PADI2: variants seen among roughly 807,000 people sequenced by gnomAD.
PADI2 encodes the protein protein-arginine deiminase type-2.
In PADI2, 70 loss-of-function variants were observed where a neutral mutation model predicts 81.1. That is an observed-to-expected ratio of 0.86 (90% CI 0.71 to 1.05). PADI2 has a LOEUF of 1.05. PADI2 is among the 50% of genes least tolerant of loss of function. The probability of loss-of-function intolerance (pLI) is 0.00; values close to 1 mark genes in which losing one functional copy is unlikely to be tolerated. For missense variants in PADI2, 853 were observed against 889.9 expected (o/e 0.96, Z 0.53); for synonymous variants, 338 against 358.0 (o/e 0.94, Z 0.63).
chr1:17,114,224 G>T (rs1241055355), intron 1 of PADI2, among the ~76,000 whole-genome samples: 1 of 152,246 alleles, frequency 6.6e-6, no homozygotes, highest in Non-Finnish European at 1.5e-5. Context: ...GAGGCTGGGG[G>T]TGGGGAGCTC....
chr1:17,076,993 C>A (rs35479817), intron 11 of PADI2, among the ~76,000 whole-genome samples: 90,731 of 151,780 alleles, frequency 0.6, 27,525 homozygotes, highest in Middle Eastern at 0.7. Context: ...TCCTGGCCAG[C>A]CCTCCTCCCT....
chr1:17,074,767 G>A, intron 13 of PADI2, 89 bp downstream of exon 13: 1 of 740,940 alleles, frequency 1.3e-6, no homozygotes, highest in Non-Finnish European at 2.3e-6. Context: ...GGGTGCTCAG[G>A]GACAAAGTGC....
chr1:17,084,017 C>A (rs2078366780), intron 8 of PADI2, among the ~76,000 whole-genome samples, 180 bp from the exon 9 acceptor site: 1 of 152,200 alleles, frequency 6.6e-6, no homozygotes, highest in Non-Finnish European at 1.5e-5. Context: ...TAAACCCACC[C>A]ACTCATGTGG....
chr1:17,115,610 C>A lies in PADI2; in HGVS notation c.92+3670G>T, dbSNP rs1931728949. 2.0e-5 allele frequency among the ~76,000 whole-genome samples: 3 copies of A among 152,202 alleles called. No homozygotes were observed. ...GGAGTGTCCATGCCTCCAGGGCTCA[C>A]AAGAGGTGGGTGGCCAGGATGGAAC... On this transcript the variant is annotated intron_variant, in intron 1 of 15. Transcript: ENST00000375486. This position sits in a 1 kb window ranked among gnomAD's most constrained non-coding sequence, Gnocchi z 4.1.
At chr1:17,070,000 C>T in intron 15 of PADI2, 88 bp downstream of exon 15, 1 of 1,457,510 alleles carries the variant, frequency 6.9e-7, no homozygotes, top group South Asian at 1.3e-5. Context: ...CTGGGCCTCC[C>T]CATTGGACAG....
chr1:17,071,242 G>A (rs935956022), intron 14 of PADI2, among the ~76,000 whole-genome samples, 164 bp downstream of exon 14: 19 of 152,316 alleles, frequency 1.2e-4, no homozygotes, highest in African/African-American at 4.1e-4. Flanking sequence ...GCAAAGCAAG[G>A]AGGCTGGCTG....
rs1930439169 is a variant in PADI2 at position 17,086,549 on chromosome 1, T to C, written c.806A>G (p.His269Arg). 10 of 1,613,634 alleles carry C rather than the reference T, an allele frequency of 6.2e-6. No homozygotes were observed. The highest frequency in any genetic ancestry group is 1.3e-5 in the African/African-American group (1 of 74,914). The stretch of plus-strand genomic sequence containing the variant: ...GGCCATGTACTCCAGCAGGCTGACA[T>C]GGATGGAGACCAGGCCTGAGAAGCC... ...DEGFSGLVSI[H>R]VSLLEYMAQD... The change falls in exon 7 of 16, where the codon CAT becomes CGT. Residue 269 changes from histidine (H) to arginine (R), a missense_variant. Transcript: ENST00000375486.
At chr1:17,075,315 T>G in intron 12 of PADI2, 1 of 312,370 alleles carries the variant, frequency 3.2e-6, no homozygotes. Flanking sequence ...CTCTAGAGCA[T>G]TACCACCAAC....
At chr1:17,091,588 G>A (rs545346495) in intron 6 of PADI2, among the ~76,000 whole-genome samples, 1 of 152,016 alleles carries the variant, frequency 6.6e-6, no homozygotes, top group Non-Finnish European at 1.5e-5. Context: ...CTTTGCAGAT[G>A]CTGTTGCCTC....
chr1:17,110,528 A>G lies in PADI2; in HGVS notation c.93-5467T>C, dbSNP rs147743723. The stretch of plus-strand genomic sequence containing the variant: ...AGAAATCAGGTCATGGGCTTTCTTG[A>G]AAATATTCACTGGCTCCTCAGTGCC... On this transcript the variant is annotated intron_variant, in intron 1 of 15. Coordinates refer to ENST00000375486, the MANE Select transcript of PADI2 (RefSeq NM_007365.3). 9.4e-3 allele frequency among the ~76,000 whole-genome samples: 1,432 copies of G among 152,308 alleles called. 13 individuals are homozygous for G. Among genetic ancestry groups the G allele is most frequent in the Middle Eastern group, 0.017 (5 of 294 alleles).
chr1:17,110,221 A>G (rs1018612860), intron 1 of PADI2, among the ~76,000 whole-genome samples: 1 of 152,122 alleles, frequency 6.6e-6, no homozygotes, highest in Admixed American at 6.5e-5. Flanking sequence ...TGGAGGCTGC[A>G]GGGAGGGGCC....
chr1:17,105,852 T>C (rs1931357244), intron 1 of PADI2, among the ~76,000 whole-genome samples: 1 of 152,146 alleles, frequency 6.6e-6, no homozygotes, highest in African/African-American at 2.4e-5. Flanking sequence ...ATCTTGCACC[T>C]CCTGAGTGTG....
intron 4 of PADI2, among the ~76,000 whole-genome samples, chr1:17,095,374 G>A (rs1453298985): frequency 6.6e-6 from 1 of 152,184 alleles, no homozygotes; most frequent in African/African-American, 2.4e-5. Flanking sequence ...GGTCCTCTGT[G>A]GGGGAGCAGA....
intron 1 of PADI2, among the ~76,000 whole-genome samples, chr1:17,108,580 C>T (rs114098602): frequency 0.01 from 1,588 of 152,060 alleles, 16 homozygotes; most frequent in South Asian, 0.02. Flanking sequence ...CTTGGCCCAT[C>T]ATACACCCAA....
At chr1:17,070,802 T>C (rs2078259939) in intron 14 of PADI2, among the ~76,000 whole-genome samples, 1 of 151,972 alleles carries the variant, frequency 6.6e-6, no homozygotes, top group Admixed American at 6.6e-5. Context: ...GCTGGGATTA[T>C]AGGCGCCTGC....
At position 17,067,732 on chromosome 1, in the gene PADI2, T is replaced by C. The variant is rs1487173763; in HGVS notation, c.*1312A>G. On this transcript the variant is annotated 3_prime_UTR_variant, in exon 16 of 16. Transcript: ENST00000375486. The stretch of plus-strand genomic sequence containing the variant: ...CTTAGTGGCATACAACAAATGTTTG[T>C]TGAATGGTTGAAGGAAATAATCCCA... 6.6e-6 allele frequency: 1 copy of C among 152,220 alleles called. No individual in the cohort carries two copies. Among genetic ancestry groups the C allele is most frequent in the Non-Finnish European group, 1.5e-5 (1 of 68,048 alleles). The allele number at this position is 152,220 out of a possible 1,614,324, so 9.4% of individuals were successfully genotyped here.
Position 17,103,020 on chromosome 1 carries a change from T to C in PADI2, c.316A>G (p.Ile106Val). ...NYYDEEGSIP[I>V]DQAGLFLTAI... ...GTGAGGAAGAGCCCCGCCTGGTCGATGGGAATGCTCCCTTCCTCGTCATAG... is the reference window on the plus strand; with the variant it reads ...GTGAGGAAGAGCCCCGCCTGGTCGACGGGAATGCTCCCTTCCTCGTCATAG... Residue 106 changes from isoleucine to valine, a missense_variant, in exon 3 of 16, where the codon ATC (isoleucine) becomes GTC (valine). Coordinates refer to ENST00000375486, the MANE Select transcript of PADI2 (RefSeq NM_007365.3). 2.5e-6 allele frequency: 4 copies of C among 1,613,628 alleles called. No homozygotes were observed. The highest frequency in any genetic ancestry group is 3.4e-6 in the Non-Finnish European group (4 of 1,179,732).
Position 17,119,175 on chromosome 1 carries a change from G to A in PADI2, c.92+105C>T. 1 of 770,724 alleles carries A rather than the reference G, an allele frequency of 1.3e-6. No homozygotes were observed. The highest frequency in any genetic ancestry group is 3.5e-5 in the Admixed American group (1 of 28,868). The allele number at this position is 770,724 out of a possible 1,614,324, so 47.7% of individuals were successfully genotyped here. On this transcript the variant is annotated intron_variant, in intron 1 of 15. Coordinates refer to ENST00000375486, the MANE Select transcript of PADI2 (RefSeq NM_007365.3). The surrounding 1 kb of genome is among the most constrained non-coding windows in gnomAD (Gnocchi z 4.8). ...CTGGGCTCGGGGGCTCGGGATGAGG[G>A]ACAACTCGGGCTGGACAAAGGCTGT...
chr1:17,070,253 G>C, intron 14 of PADI2, 37 bp from the exon 15 acceptor site: 2 of 1,609,990 alleles, frequency 1.2e-6, no homozygotes, highest in Non-Finnish European at 1.7e-6. Context: ...TGCAGGTGAG[G>C]GGGACACACA....
Sources: allele counts gnomAD v4.1 joint callset (sites outside exome capture counted in the v4.1 genomes callset), GRCh38; gene constraint gnomAD v4.1.1; non-coding constraint Gnocchi (gnomAD v3.1); transcripts MANE v1.5; gene names NCBI Gene and HGNC (gene_info 2026-07-23, HGNC 2026-07-21).